Variants in JMJD1C observed in about 807,000 individuals in gnomAD.
The protein encoded by JMJD1C is jumonji domain containing 1C.
A neutral mutation model predicts 245.3 loss-of-function variants in JMJD1C; 31 were observed. The observed-to-expected ratio is 0.13, with a 90% confidence interval of 0.09 to 0.17. The LOEUF (loss-of-function observed/expected upper bound fraction) is 0.17. Ranked by LOEUF, JMJD1C falls within the 10% of genes least tolerant of loss-of-function variation. JMJD1C has a pLI of 1.00. For synonymous variants in JMJD1C, 1,057 were observed against 1,017.4 expected (o/e 1.04, Z -0.74); for missense variants, 2,691 against 3,000.2 (o/e 0.90, Z 2.41).
chr10:63,272,281 G>A (rs888965515), intron 2 of JMJD1C, among the ~76,000 whole-genome samples: 1 of 151,952 alleles, frequency 6.6e-6, no homozygotes, highest in African/African-American at 2.4e-5. Context: ...ATGGAGTTTT[G>A]CTCTTTTTTG....
chr10:63,309,212 G>C (rs181769366), intron 2 of JMJD1C, among the ~76,000 whole-genome samples: 15 of 152,196 alleles, frequency 9.9e-5, no homozygotes, highest in Non-Finnish European at 1.9e-4. Context: ...GAATAAAGTC[G>C]CTGGGCACGG....
At chr10:63,516,223 G>A (rs545794875) in intron 1 of JMJD1C, among the ~76,000 whole-genome samples, 3 of 121,262 alleles carry the variant, frequency 2.5e-5, no homozygotes, top group African/African-American at 7.4e-5. Flanking sequence ...GTATGTTTCT[G>A]GACTTTGAGG....
chr10:63,214,333 T>C lies in JMJD1C; in HGVS notation c.1834A>G (p.Lys612Glu), dbSNP rs769173656. 1.2e-6 allele frequency: 2 copies of C among 1,614,088 alleles called. No individual in the cohort carries two copies. The highest frequency in any genetic ancestry group is 1.7e-6 in the Non-Finnish European group (2 of 1,179,982). The change falls in exon 8 of 26, where the codon AAG (lysine) becomes GAG (glutamate). Residue 612 changes from lysine (K) to glutamate (E), a missense_variant. Around this residue, in one of 9 missense-constraint regions of JMJD1C, gnomAD observed 1,562 missense variants for 1,490.7 expected, o/e 1.05. Transcript: ENST00000399262. ...GGAGGTGGACTTCGCTTATGCAGCT[T>C]ATCTTCCATGACAGAAACTGCACTT... The part of the protein sequence containing the change: ...PLSAVSVMED[K>E]LHKRSPPPET...
At chr10:63,441,758 C>G (rs950749882) in intron 1 of JMJD1C, among the ~76,000 whole-genome samples, 2 of 152,160 alleles carry the variant, frequency 1.3e-5, no homozygotes, top group African/African-American at 4.8e-5. Flanking sequence ...CTTTGTACTG[C>G]CACACTCAAC....
At chr10:63,450,359 A>T (rs899282538) in intron 1 of JMJD1C, among the ~76,000 whole-genome samples, 1 of 152,104 alleles carries the variant, frequency 6.6e-6, no homozygotes, top group Non-Finnish European at 1.5e-5. Context: ...CAGCAGCATT[A>T]TTACCATAGC....
At chr10:63,339,996 G>A (rs1168395645) in intron 2 of JMJD1C, among the ~76,000 whole-genome samples, 1 of 152,146 alleles carries the variant, frequency 6.6e-6, no homozygotes, top group Non-Finnish European at 1.5e-5. Flanking sequence ...GGAGGCGGAG[G>A]TTGCAGTGAG....
intron 2 of JMJD1C, among the ~76,000 whole-genome samples, chr10:63,316,131 C>T (rs1358662471): frequency 6.6e-6 from 1 of 152,132 alleles, no homozygotes; most frequent in Non-Finnish European, 1.5e-5. Context: ...ATGGTTGCAC[C>T]ACTGCACTCC....
chr10:63,466,198 GC>G (rs1336014787), upstream of JMJD1C: 1 of 185,838 alleles, frequency 5.4e-6, no homozygotes, highest in Non-Finnish European at 1.1e-5. Context: ...GGGAAAGTAG[GC>G]GACAGCTATT....
chr10:63,190,776 T>C (rs1222511510), intron 17 of JMJD1C, 118 bp downstream of exon 17: 3 of 729,844 alleles, frequency 4.1e-6, no homozygotes, highest in African/African-American at 1.8e-5. Context: ...GAAACATGCC[T>C]AGCAATTTGG....
chr10:63,198,041 A>T (rs146270584), intron 12 of JMJD1C, among the ~76,000 whole-genome samples: 1 of 152,370 alleles, frequency 6.6e-6, no homozygotes, highest in Non-Finnish European at 1.5e-5. Context: ...CTATGTTAGG[A>T]ACTATTAAGT....
intron 2 of JMJD1C, among the ~76,000 whole-genome samples, chr10:63,315,838 C>CAAAAAA (rs531544593): frequency 1.8e-5 from 1 of 55,280 alleles, no homozygotes; most frequent in African/African-American, 5.1e-5. Flanking sequence ...GACACCGTCT[C>CAAAAAA]AAAAAAAAAA....
intron 2 of JMJD1C, among the ~76,000 whole-genome samples, chr10:63,274,890 A>G (rs906898104): frequency 6.6e-6 from 1 of 152,122 alleles, no homozygotes; most frequent in African/African-American, 2.4e-5. Flanking sequence ...TACAGTAATC[A>G]TACAAATCAA....
intron 1 of JMJD1C, among the ~76,000 whole-genome samples, chr10:63,385,571 G>C (rs1947532237): frequency 6.6e-6 from 1 of 151,466 alleles, no homozygotes; most frequent in Non-Finnish European, 1.5e-5. Context: ...CCAAGCATCT[G>C]GGACTACAGG....
chr10:63,386,404 T>C (rs1055339464), intron 1 of JMJD1C, among the ~76,000 whole-genome samples: 1 of 152,150 alleles, frequency 6.6e-6, no homozygotes, highest in African/African-American at 2.4e-5. Flanking sequence ...CACCTGACCA[T>C]TCCACTGGTA....
At chr10:63,417,886 T>C (rs544398289) in intron 1 of JMJD1C, among the ~76,000 whole-genome samples, 9 of 152,332 alleles carry the variant, frequency 5.9e-5, no homozygotes, top group South Asian at 4.1e-4. Flanking sequence ...CTGTGTAACA[T>C]AGACAAGTTT....
intron 1 of JMJD1C, among the ~76,000 whole-genome samples, chr10:63,423,059 G>A (rs1374310343): frequency 1.3e-5 from 2 of 151,666 alleles, no homozygotes; most frequent in Admixed American, 6.6e-5. Flanking sequence ...TTGCCTCCTG[G>A]GTTCAAGCAA....
At chr10:63,389,554 C>G (rs1947891352) in intron 1 of JMJD1C, among the ~76,000 whole-genome samples, 1 of 148,516 alleles carries the variant, frequency 6.7e-6, no homozygotes, top group African/African-American at 2.5e-5. Flanking sequence ...ATGGACCTAA[C>G]AAACATTTAT....
At chr10:63,273,474 T>C (rs1856516638) in intron 2 of JMJD1C, among the ~76,000 whole-genome samples, 1 of 152,246 alleles carries the variant, frequency 6.6e-6, no homozygotes, top group Admixed American at 6.5e-5. Flanking sequence ...GTATCAAGCA[T>C]AAATTGCTAG....
At chr10:63,304,492 A>C (rs1937733588) in intron 2 of JMJD1C, among the ~76,000 whole-genome samples, 1 of 152,226 alleles carries the variant, frequency 6.6e-6, no homozygotes, top group Non-Finnish European at 1.5e-5. Context: ...CTTAAAAAGA[A>C]ATAAAAGACG....
Sources: gnomAD v4.1 joint callset for allele counts (sites outside exome capture counted in the v4.1 genomes callset) on GRCh38, gnomAD v4.1.1 for gene constraint, gnomAD v4.1.1 regional missense constraint, MANE v1.5 for transcripts, NCBI Gene and HGNC (gene_info 2026-07-23, HGNC 2026-07-21) for gene names.